MGAT4C: variants seen among roughly 807,000 people sequenced by gnomAD.
The protein encoded by MGAT4C is alpha-1,3-mannosyl-glycoprotein 4-beta-N-acetylglucosaminyltransferase C.
MGAT4C carries 19 observed loss-of-function variants against 40.1 expected under a neutral mutation model. The ratio of observed to expected loss-of-function variants is 0.47; its 90% confidence interval spans 0.33 to 0.70. The LOEUF (loss-of-function observed/expected upper bound fraction) is 0.70. Among genes scored for constraint, MGAT4C ranks in the 30% least tolerant of loss-of-function variants. MGAT4C has a pLI of 0.02. For synonymous variants in MGAT4C, 181 were observed against 187.1 expected, an observed-to-expected ratio of 0.97 and a Z score of 0.27; for missense variants, 491 against 563.2, an observed-to-expected ratio of 0.87 and a Z score of 1.30.
intron 1 of MGAT4C, among the ~76,000 whole-genome samples, chr12:86,764,274 C>A (rs2136156735): frequency 6.6e-6 from 1 of 152,240 alleles, no homozygotes; most frequent in Non-Finnish European, 1.5e-5. Flanking sequence ...GCACAGCAGT[C>A]TGAGATCAAA....
chr12:86,402,177 G>A (rs953838338), intron 3 of MGAT4C, among the ~76,000 whole-genome samples: 3 of 151,974 alleles, frequency 2.0e-5, no homozygotes, highest in Non-Finnish European at 2.9e-5. Flanking sequence ...GGGCACAGTG[G>A]CTCACGCTTG....
intron 4 of MGAT4C, among the ~76,000 whole-genome samples, chr12:86,293,236 T>C (rs1277160592): frequency 6.6e-6 from 1 of 152,138 alleles, no homozygotes; most frequent in African/African-American, 2.4e-5. Context: ...AGTGTGTACA[T>C]GGGGTTAAAT....
At chr12:86,183,045 G>T (rs942253668) in intron 1 of MGAT4C, among the ~76,000 whole-genome samples, 3 of 152,052 alleles carry the variant, frequency 2.0e-5, no homozygotes, top group African/African-American at 7.2e-5. Flanking sequence ...GTACTCTTAA[G>T]CACTGTTACC....
At chr12:86,374,337 T>C (rs984196310) in intron 3 of MGAT4C, among the ~76,000 whole-genome samples, 3 of 152,150 alleles carry the variant, frequency 2.0e-5, no homozygotes, top group Non-Finnish European at 4.4e-5. Flanking sequence ...AGAATAACTT[T>C]GTGACTGTAC....
At chr12:86,734,220 T>C (rs958104016) in intron 1 of MGAT4C, among the ~76,000 whole-genome samples, 4 of 152,062 alleles carry the variant, frequency 2.6e-5, no homozygotes, top group African/African-American at 9.7e-5. Flanking sequence ...AAATTAAAAA[T>C]AATTGCTAAC....
chr12:85,981,506 C>T (rs1884603186), intron 4 of MGAT4C, among the ~76,000 whole-genome samples: 1 of 152,140 alleles, frequency 6.6e-6, no homozygotes, highest in Admixed American at 6.5e-5. Context: ...AATACCTTGG[C>T]TTACAACTCA....
chr12:86,057,525 G>T (rs996953524), intron 1 of MGAT4C, among the ~76,000 whole-genome samples: 1 of 152,136 alleles, frequency 6.6e-6, no homozygotes, highest in African/African-American at 2.4e-5. Flanking sequence ...TCATGCTTCA[G>T]TGACTTTGAA....
At chr12:86,117,084 C>G (rs1878557549) in intron 1 of MGAT4C, among the ~76,000 whole-genome samples, 1 of 152,068 alleles carries the variant, frequency 6.6e-6, no homozygotes, top group South Asian at 2.1e-4. Context: ...AAAAAAGTTG[C>G]ACTATGCAAC....
chr12:86,037,445 C>T (rs921247943), intron 2 of MGAT4C, among the ~76,000 whole-genome samples: 2 of 150,150 alleles, frequency 1.3e-5, no homozygotes, highest in Non-Finnish European at 3.0e-5. Context: ...AAATTTCCCT[C>T]TACACACTGC....
At chr12:86,415,329 TTAA>T (rs1956687149) in intron 3 of MGAT4C, among the ~76,000 whole-genome samples, 1 of 152,010 alleles carries the variant, frequency 6.6e-6, no homozygotes. Flanking sequence ...TCTACATTTA[TTAA>T]TAATAATGGT....
upstream of MGAT4C, among the ~76,000 whole-genome samples, chr12:86,260,875 T>A (rs1166780181): frequency 6.6e-6 from 1 of 151,978 alleles, no homozygotes; most frequent in Non-Finnish European, 1.5e-5. Context: ...TTTTCCCATA[T>A]CCCATTATAT....
At chr12:86,291,196 G>T (rs1250698909) in intron 4 of MGAT4C, among the ~76,000 whole-genome samples, 1 of 152,184 alleles carries the variant, frequency 6.6e-6, no homozygotes, top group Non-Finnish European at 1.5e-5. Flanking sequence ...ACTTGTACCT[G>T]AAACTGACTG....
At chr12:86,516,090 C>G (rs1958682737) in intron 2 of MGAT4C, among the ~76,000 whole-genome samples, 1 of 151,502 alleles carries the variant, frequency 6.6e-6, no homozygotes, top group Admixed American at 6.6e-5. Context: ...TTTTTTTTTC[C>G]CAGAAACTGA....
intron 1 of MGAT4C, among the ~76,000 whole-genome samples, chr12:86,205,870 T>A (rs1398801772): frequency 6.6e-6 from 1 of 152,124 alleles, no homozygotes; most frequent in Non-Finnish European, 1.5e-5. Flanking sequence ...TTTTAGTTAT[T>A]TCAGTTTCTG....
intron 1 of MGAT4C, among the ~76,000 whole-genome samples, chr12:86,070,706 A>C (rs1028016381): frequency 6.6e-6 from 1 of 152,070 alleles, no homozygotes; most frequent in Non-Finnish European, 1.5e-5. Context: ...ATTTGAATGA[A>C]GTATATCCCA....
intron 2 of MGAT4C, among the ~76,000 whole-genome samples, chr12:86,631,350 A>G (rs1477395301): frequency 1.3e-5 from 2 of 152,076 alleles, no homozygotes; most frequent in Non-Finnish European, 2.9e-5. Context: ...TCTAGGTTCA[A>G]TGCCATCCCC....
chr12:86,151,072 C>T (rs979953596), intron 1 of MGAT4C, among the ~76,000 whole-genome samples: 4 of 152,164 alleles, frequency 2.6e-5, no homozygotes, highest in African/African-American at 9.7e-5. Context: ...TTAGCATAAC[C>T]TTTACTGCTC....
chr12:86,788,893 T>C (rs899025065), intron 1 of MGAT4C, among the ~76,000 whole-genome samples: 6 of 152,162 alleles, frequency 3.9e-5, no homozygotes, highest in Non-Finnish European at 7.4e-5. Flanking sequence ...TTTCTCATAC[T>C]TTTGTAGCCA....
At chr12:86,781,634 C>T (rs1276473113) in intron 1 of MGAT4C, among the ~76,000 whole-genome samples, 2 of 150,504 alleles carry the variant, frequency 1.3e-5, no homozygotes, top group East Asian at 3.9e-4. Context: ...TTACGGTGGC[C>T]AGAAAAAAAA....
Sources: gnomAD v4.1 joint callset for allele counts (sites outside exome capture counted in the v4.1 genomes callset) on GRCh38, gnomAD v4.1.1 for gene constraint, MANE v1.5 for transcripts, NCBI Gene and HGNC (gene_info 2026-07-23, HGNC 2026-07-21) for gene names.